RARA: variants seen among roughly 807,000 people sequenced by gnomAD.
The protein encoded by RARA is retinoic acid receptor alpha, also known as PML-DDX5-RARA fusion.
In RARA, 5 loss-of-function variants were observed where a neutral mutation model predicts 42.8. The observed-to-expected ratio is 0.12, with a 90% confidence interval of 0.06 to 0.25. The LOEUF is 0.25. Among genes scored for constraint, RARA ranks in the 10% least tolerant of loss-of-function variants. The pLI is 1.00. For missense variants in RARA, 402 were observed against 628.7 expected (o/e 0.64, Z 3.86); for synonymous variants, 256 against 259.5 (o/e 0.99, Z 0.13).
chr17:40,355,251 C>T lies in RARA; in HGVS notation c.1013-12C>T, dbSNP rs1379243083. Reference sequence around the variant, plus strand: ...GTTCCCAGCTGCTCAGGGGGTGGTTCTGCTTCCTCAGACCGCCAGGACCTG... The same window carrying T: ...GTTCCCAGCTGCTCAGGGGGTGGTTTTGCTTCCTCAGACCGCCAGGACCTG... On this transcript the variant is annotated splice_polypyrimidine_tract_variant and intron_variant, in intron 7 of 8. Transcript: ENST00000254066. The surrounding 1 kb of genome is among the most constrained non-coding windows in gnomAD (Gnocchi z 4.1). The T allele has an allele frequency of 1.9e-6, 3 of 1,557,674 alleles. No homozygotes were observed. The highest frequency in any genetic ancestry group is 1.4e-5 in the African/African-American group (1 of 73,382).
At chr17:40,313,070 G>T (rs2033127493) in intron 1 of RARA, among the ~76,000 whole-genome samples, 2 of 152,192 alleles carry the variant, frequency 1.3e-5, no homozygotes, top group East Asian at 3.9e-4. Context: ...GCTAGAAGGA[G>T]GTCAGAGTTG....
At chr17:40,342,558 AG>A in intron 2 of RARA, 2 of 1,336,488 alleles carry the variant, frequency 1.5e-6, no homozygotes, top group Non-Finnish European at 1.9e-6. Flanking sequence ...ACTTCAGGGC[AG>A]GGGGCGCCCC....
At chr17:40,332,726 CA>C (rs1186254821) in intron 2 of RARA, among the ~76,000 whole-genome samples, 1 of 152,240 alleles carries the variant, frequency 6.6e-6, no homozygotes. Flanking sequence ...GCCCTGGGGC[CA>C]GGGGGCAGGC....
At chr17:40,311,206 C>T (rs534906055) in intron 1 of RARA, among the ~76,000 whole-genome samples, 54 of 152,106 alleles carry the variant, frequency 3.6e-4, no homozygotes, top group African/African-American at 1.1e-3. Flanking sequence ...ATATGTGTGG[C>T]GGCTAAGAGC....
rs964167975 is a variant in RARA, at chr17:40,354,940, A to G, written c.1013-323A>G. Among the ~76,000 whole-genome samples the G allele has an allele frequency of 6.6e-6, 1 of 152,086 alleles. No homozygotes were observed. The highest frequency in any genetic ancestry group is 1.5e-5 in the Non-Finnish European group (1 of 68,012). On this transcript the variant is annotated intron_variant, in intron 7 of 8. Transcript: ENST00000254066. The surrounding 1 kb of genome is among the most constrained non-coding windows in gnomAD (Gnocchi z 4.5). ...TTATTGTTGTGATTTCTGCCATTTC[A>G]TCTGGTTTCCAGAATAACAGGGGGG...
At position 40,351,953 on chromosome 17, in the gene RARA, G is replaced by C. The variant is rs1413996628; in HGVS notation, c.513G>C (p.Lys171Asn). 8 of 1,612,578 alleles carry C rather than the reference G, an allele frequency of 5.0e-6. No homozygotes were observed. In the South Asian group the frequency reaches 8.8e-5, roughly 18 times the overall value. Reference protein sequence around the residue: ...DRNKKKKEVPKPECSESYTLT... With the variant: ...DRNKKKKEVPNPECSESYTLT... Reference sequence around the variant, plus strand: ...ACAAGAAGAAGAAGGAGGTGCCCAAGCCCGAGTGCTCTGAGAGCTACACGC... The same window carrying C: ...ACAAGAAGAAGAAGGAGGTGCCCAACCCCGAGTGCTCTGAGAGCTACACGC... Residue 171 changes from lysine (K) to asparagine (N), a missense_variant, in exon 5 of 9, where the codon AAG becomes AAC. By Grantham distance (94) the Lys-to-Asn change is moderately conservative. Coordinates refer to ENST00000254066, the MANE Select transcript of RARA (RefSeq NM_000964.4). The surrounding 1 kb of genome is among the most constrained non-coding windows in gnomAD (Gnocchi z 4.1).
Position 40,356,717 on chromosome 17 carries a change from G to T in RARA, c.*491G>T, listed in dbSNP as rs764517107. The T allele has an allele frequency of 5.2e-5, 28 of 536,652 alleles. 1 individual carries two copies. Among genetic ancestry groups the T allele is most frequent in the Middle Eastern group, 2.8e-4 (1 of 3,528 alleles). The allele number at this position is 536,652 out of a possible 1,614,324, so 33.2% of individuals were successfully genotyped here. On this transcript the variant is annotated 3_prime_UTR_variant, in exon 9 of 9. Transcript: ENST00000254066. ...ACATACCCTGCCATACCAACCCCAGGTATTAATTCTCGCTGGTTTTGTTTT... is the reference window on the plus strand; with the variant it reads ...ACATACCCTGCCATACCAACCCCAGTTATTAATTCTCGCTGGTTTTGTTTT...
chr17:40,321,262 GCTCGGGTGTGGGTGT>G (rs2033368509), intron 1 of RARA, among the ~76,000 whole-genome samples: 3 of 152,074 alleles, frequency 2.0e-5, no homozygotes, highest in South Asian at 2.1e-4. Flanking sequence ...CCCCAGTCTG[GCTCGGGTGTGGGTGT>G]CTCGGGTGTG....
chr17:40,312,090 G>A (rs1407757699), intron 1 of RARA, among the ~76,000 whole-genome samples: 1 of 152,194 alleles, frequency 6.6e-6, no homozygotes, highest in African/African-American at 2.4e-5. Flanking sequence ...CCTCCAGTTG[G>A]GCCAGGATGA....
chr17:40,330,480 TC>T (rs1456177744), intron 1 of RARA, among the ~76,000 whole-genome samples: 2 of 151,536 alleles, frequency 1.3e-5, no homozygotes, highest in South Asian at 2.1e-4. Flanking sequence ...CCCTCCCTCT[TC>T]CCCCCCAGCA....
At chr17:40,342,929 T>C in intron 2 of RARA, 1 of 1,553,268 alleles carries the variant, frequency 6.4e-7, no homozygotes, top group South Asian at 1.2e-5. Flanking sequence ...GGGCTTCCAC[T>C]ACTACTCGGG....
At chr17:40,319,786 G>C (rs1289162615) in intron 1 of RARA, among the ~76,000 whole-genome samples, 1 of 152,208 alleles carries the variant, frequency 6.6e-6, no homozygotes, top group African/African-American at 2.4e-5. Context: ...TTGGAGTGGG[G>C]GTGGCTTGGA....
chr17:40,352,203 CCTG>C lies in RARA; in HGVS notation c.631-123_631-121del, dbSNP rs1284779316. 4.0e-6 allele frequency: 6 copies of C among 1,497,326 alleles called. No individual in the cohort carries two copies. The highest frequency in any genetic ancestry group is 8.9e-7 in the Non-Finnish European group (1 of 1,129,860). The allele number at this position is 1,497,326 out of a possible 1,614,324, so 92.8% of individuals were successfully genotyped here. On this transcript the variant is annotated intron_variant, in intron 5 of 8. Transcript: ENST00000254066. This position sits in a 1 kb window ranked among gnomAD's most constrained non-coding sequence, Gnocchi z 4.9. ...TCCCTTCCCCTCTCTTCTCCCTCCT[CCTG>C]CTGCCTCTTCCCAAGGAGCTCCCAG...
At chr17:40,315,171 T>TATACACACAC (rs1247793097) in intron 1 of RARA, among the ~76,000 whole-genome samples, 7 of 76,566 alleles carry the variant, frequency 9.1e-5, no homozygotes, top group African/African-American at 4.1e-4. Flanking sequence ...TATATATATA[T>TATACACACAC]ACACACACAC....
In RARA at chr17:40,333,294, C is replaced by T. The variant is rs368783944; in HGVS notation, c.178+1898C>T. The stretch of plus-strand genomic sequence containing the variant: ...TGAACTCCTGACCTCATGATCCGCC[C>T]GCCTTGGCCTCCCAAAGTGCTAGGA... On this transcript the variant is annotated intron_variant, in intron 2 of 8. Transcript: ENST00000254066. 8.0e-4 allele frequency among the ~76,000 whole-genome samples: 122 copies of T among 152,296 alleles called. No individual in the cohort carries two copies. In the South Asian group the frequency reaches 0.011, roughly 14 times the overall value.
Position 40,351,437 on chromosome 17 carries a change from T to G in RARA, c.470-473T>G, listed in dbSNP as rs1383534057. ...AGATTCTCCCCGCCAGGTCCCCCAC[T>G]CTCAGGCTGGGGAGCCCTACTCCCC... On this transcript the variant is annotated intron_variant, in intron 4 of 8. Transcript: ENST00000254066. This position sits in a 1 kb window ranked among gnomAD's most constrained non-coding sequence, Gnocchi z 4.1. The G allele has an allele frequency of 2.1e-6, 1 of 468,752 alleles. No individual in the cohort carries two copies. Among genetic ancestry groups the G allele is most frequent in the East Asian group, 7.0e-5 (1 of 14,300 alleles). 29.0% of individuals were successfully genotyped at this position (468,752 alleles called of 1,614,324 possible).
chr17:40,321,721 C>T (rs2033387184), intron 1 of RARA, among the ~76,000 whole-genome samples: 1 of 152,232 alleles, frequency 6.6e-6, no homozygotes, highest in Non-Finnish European at 1.5e-5. Context: ...AGGCTGCTGC[C>T]AGGCTGGCCC....
rs1286949863 is a variant in RARA at position 40,357,613 on chromosome 17, C to T, written c.*1387C>T. ...CTGTTGGGCTTTCCACTGAGATCTA[C>T]TGGATAAAGAATAAAGTTCTATTTA... On this transcript the variant is annotated 3_prime_UTR_variant, in exon 9 of 9. Coordinates refer to ENST00000254066, the MANE Select transcript of RARA (RefSeq NM_000964.4). 5 of 229,520 alleles carry T rather than the reference C, an allele frequency of 2.2e-5. No homozygotes were observed. Among genetic ancestry groups the T allele is most frequent in the African/African-American group, 1.1e-4 (5 of 45,110 alleles). 14.2% of individuals were successfully genotyped at this position (229,520 alleles called of 1,614,324 possible). A position where few individuals can be genotyped will look rare whatever the true frequency, so the allele number is the denominator to read the frequency against.
intron 2 of RARA, chr17:40,341,623 G>A (rs1263841171): frequency 7.4e-7 from 1 of 1,350,436 alleles, no homozygotes; most frequent in Non-Finnish European, 9.5e-7. Context: ...GCGGTGGGTG[G>A]GTCACTCGGA....
Sources: gnomAD v4.1 joint callset for allele counts (sites outside exome capture counted in the v4.1 genomes callset) on GRCh38, gnomAD v4.1.1 for gene constraint, Gnocchi (gnomAD v3.1) non-coding constraint, MANE v1.5 for transcripts, NCBI Gene and HGNC (gene_info 2026-07-23, HGNC 2026-07-21) for gene names.